BACH2: variants seen among roughly 807,000 people sequenced by gnomAD.
BACH2 encodes the protein BACH transcriptional regulator 2.
A neutral mutation model predicts 61.8 loss-of-function variants in BACH2; 5 were observed. The observed-to-expected ratio is 0.08, with a 90% CI of 0.04 to 0.17. The LOEUF is 0.17. BACH2 is among the 10% of genes least tolerant of loss of function. The pLI is 1.00. For missense variants in BACH2, 824 were observed against 1,091.1 expected (o/e 0.76, Z 3.45); for synonymous variants, 446 against 440.1 (o/e 1.01, Z -0.17).
chr6:90,126,537 A>G (rs1200017726), intron 4 of BACH2, among the ~76,000 whole-genome samples: 2 of 152,258 alleles, frequency 1.3e-5, no homozygotes, highest in Non-Finnish European at 2.9e-5. Flanking sequence ...GAACATGAAC[A>G]TAGAGCTACA....
intron 4 of BACH2, among the ~76,000 whole-genome samples, chr6:90,096,010 G>A (rs1782368348): frequency 6.6e-6 from 1 of 152,124 alleles, no homozygotes. Flanking sequence ...GTACAACACT[G>A]CCTTCCTCTA....
chr6:89,991,367 G>T (rs550620018), intron 6 of BACH2, among the ~76,000 whole-genome samples: 3 of 152,292 alleles, frequency 2.0e-5, no homozygotes, highest in African/African-American at 7.2e-5. Context: ...GGTGAATCTG[G>T]AATGTCGGGA....
At chr6:90,025,262 C>T (rs192586067) in intron 5 of BACH2, among the ~76,000 whole-genome samples, 269 of 152,212 alleles carry the variant, frequency 1.8e-3, no homozygotes, top group African/African-American at 6.4e-3. Context: ...TTGTGATCAT[C>T]GCACTGGTCT....
At chr6:90,156,784 C>T (rs1013026712) in intron 4 of BACH2, among the ~76,000 whole-genome samples, 2 of 152,078 alleles carry the variant, frequency 1.3e-5, no homozygotes, top group Admixed American at 1.3e-4. Flanking sequence ...TGAAACAACA[C>T]GGAGTAACTC....
chr6:90,269,360 A>G (rs1771448786), intron 2 of BACH2, among the ~76,000 whole-genome samples: 1 of 152,194 alleles, frequency 6.6e-6, no homozygotes, highest in Non-Finnish European at 1.5e-5. Context: ...GGAAGAATAA[A>G]GAACCAAAAA....
intron 4 of BACH2, among the ~76,000 whole-genome samples, chr6:90,143,037 G>A (rs1435130006): frequency 2.0e-5 from 3 of 152,186 alleles, no homozygotes; most frequent in Non-Finnish European, 4.4e-5. Context: ...GTGTTTCTTA[G>A]AAGGCTAACT....
intron 3 of BACH2, among the ~76,000 whole-genome samples, chr6:90,215,801 G>C (rs892748228): frequency 6.6e-6 from 1 of 152,096 alleles, no homozygotes; most frequent in Non-Finnish European, 1.5e-5. Flanking sequence ...GTGCCATTGG[G>C]GGTAGAAAGT....
chr6:90,154,573 T>C (rs1784929688), intron 4 of BACH2, among the ~76,000 whole-genome samples: 1 of 152,160 alleles, frequency 6.6e-6, no homozygotes, highest in South Asian at 2.1e-4. Flanking sequence ...AAAAAGTTCA[T>C]AATGAGCCAG....
At chr6:90,019,204 C>A (rs760879085) in intron 5 of BACH2, among the ~76,000 whole-genome samples, 4 of 152,058 alleles carry the variant, frequency 2.6e-5, no homozygotes, top group Non-Finnish European at 5.9e-5. Flanking sequence ...GTGTTCAATT[C>A]ATAAAAAGTA....
intron 3 of BACH2, chr6:90,218,084 A>G (rs770345714): frequency 2.0e-5 from 3 of 152,072 alleles, no homozygotes; most frequent in Non-Finnish European, 4.4e-5. Context: ...TACGGTTCCA[A>G]TTTTCCTGTT....
chr6:90,059,004 C>A (rs538787109), intron 5 of BACH2, among the ~76,000 whole-genome samples: 2 of 152,226 alleles, frequency 1.3e-5, no homozygotes, highest in South Asian at 4.2e-4. Flanking sequence ...AATGTTAGAC[C>A]TAAAACCATA....
chr6:90,071,869 A>T (rs779371739), intron 5 of BACH2, among the ~76,000 whole-genome samples: 4 of 152,240 alleles, frequency 2.6e-5, no homozygotes, highest in Admixed American at 1.3e-4. Flanking sequence ...TAAGAAAATC[A>T]TAAGAGAAAA....
chr6:90,145,729 T>C (rs966197571), intron 4 of BACH2, among the ~76,000 whole-genome samples: 1 of 152,172 alleles, frequency 6.6e-6, no homozygotes. Context: ...GCATTAAGTC[T>C]CCCTCTGACG....
intron 4 of BACH2, among the ~76,000 whole-genome samples, chr6:90,204,642 GA>G (rs1437587828): frequency 2.0e-5 from 3 of 152,246 alleles, no homozygotes; most frequent in Admixed American, 1.3e-4. Flanking sequence ...GGTTGCCCTG[GA>G]GAAACTTAGG....
chr6:89,982,305 A>T (rs1298758685), intron 6 of BACH2, among the ~76,000 whole-genome samples: 1 of 151,998 alleles, frequency 6.6e-6, no homozygotes, highest in Admixed American at 6.6e-5. Context: ...GGCAAGTGGG[A>T]GGTGGTCTTG....
At chr6:90,076,351 T>C (rs985569227) in intron 5 of BACH2, among the ~76,000 whole-genome samples, 2 of 152,070 alleles carry the variant, frequency 1.3e-5, no homozygotes, top group Non-Finnish European at 2.9e-5. Context: ...CACCCAGCTG[T>C]GAATAAAAGA....
At chr6:90,150,247 T>C (rs1427540740) in intron 4 of BACH2, among the ~76,000 whole-genome samples, 13 of 152,140 alleles carry the variant, frequency 8.5e-5, no homozygotes, top group Non-Finnish European at 1.5e-5. Flanking sequence ...TATTGGACAA[T>C]TGCTGTACCC....
At chr6:89,997,003 G>A (rs1240450075) in intron 6 of BACH2, among the ~76,000 whole-genome samples, 2 of 69,156 alleles carry the variant, frequency 2.9e-5, no homozygotes, top group South Asian at 5.3e-4. Flanking sequence ...ACATGCACAC[G>A]GGCACACACA....
chr6:90,114,143 G>A lies in BACH2; in HGVS notation c.-161-25034C>T, dbSNP rs1031677623. 4.6e-5 allele frequency among the ~76,000 whole-genome samples: 7 copies of A among 152,160 alleles called. No individual in the cohort carries two copies. In the East Asian group the frequency reaches 1.4e-3, roughly 29 times the overall value. ...AAATTATTCCAAAAAATTAGGAGAG[G>A]AAATGTCTCCCCAACTCACTCTATG... On this transcript the variant is annotated intron_variant, in intron 4 of 8. Coordinates refer to ENST00000257749, the MANE Select transcript of BACH2 (RefSeq NM_021813.4).
Sources: gnomAD v4.1 joint callset for allele counts (sites outside exome capture counted in the v4.1 genomes callset) on GRCh38, gnomAD v4.1.1 for gene constraint, MANE v1.5 for transcripts, NCBI Gene and HGNC (gene_info 2026-07-23, HGNC 2026-07-21) for gene names.